CCDC85C: variants seen among roughly 807,000 people sequenced by gnomAD.
The protein encoded by CCDC85C is coiled-coil domain containing 85C.
In CCDC85C, 18 loss-of-function variants were observed where a neutral mutation model predicts 38.3. The ratio of observed to expected loss-of-function variants is 0.47; its 90% CI spans 0.33 to 0.70. The LOEUF (loss-of-function observed/expected upper bound fraction) is 0.70. CCDC85C is among the 30% of genes least tolerant of loss of function. CCDC85C has a pLI of 0.03. For synonymous variants in CCDC85C, 264 were observed against 293.8 expected, an observed-to-expected ratio of 0.90 and a Z score of 1.04; for missense variants, 566 against 621.2, an observed-to-expected ratio of 0.91 and a Z score of 0.94.
intron 1 of CCDC85C, among the ~76,000 whole-genome samples, chr14:99,593,044 A>G (rs773645065): frequency 2.0e-5 from 3 of 152,050 alleles, no homozygotes; most frequent in Non-Finnish European, 4.4e-5. Flanking sequence ...CGGGAAACAG[A>G]GCCTTGGCAT....
chr14:99,504,420 T>C lies in CCDC85C; in HGVS notation c.*10826A>G, dbSNP rs1035871765. 2.0e-5 allele frequency: 3 copies of C among 152,312 alleles called. No homozygotes were observed. The highest frequency in any genetic ancestry group is 7.3e-5 in the African/African-American group (3 of 41,350). 9.4% of individuals were successfully genotyped at this position (152,312 alleles called of 1,614,324 possible). A position where few individuals can be genotyped will look rare whatever the true frequency, so the allele number is the denominator to read the frequency against. ...CTACTTTTTTTTTTTTTCCAGTATATTTGAGGGAATGATGAGTTCAGTACA... is the reference window on the plus strand; with the variant it reads ...CTACTTTTTTTTTTTTTCCAGTATACTTGAGGGAATGATGAGTTCAGTACA... On this transcript the variant is annotated 3_prime_UTR_variant, in exon 6 of 6. Transcript: ENST00000380243.
intron 1 of CCDC85C, among the ~76,000 whole-genome samples, chr14:99,577,015 A>T (rs982449194): frequency 1.4e-4 from 22 of 151,886 alleles, no homozygotes; most frequent in Non-Finnish European, 4.4e-5. Context: ...CCCCTCCCTG[A>T]TCAGTCCCAC....
chr14:99,587,083 T>G (rs2139982391), intron 1 of CCDC85C, among the ~76,000 whole-genome samples: 1 of 152,342 alleles, frequency 6.6e-6, no homozygotes, highest in Non-Finnish European at 1.5e-5. Context: ...CCTGAGGTTC[T>G]GGACAGCCTC....
Position 99,509,919 on chromosome 14 carries a change from G to C in CCDC85C, c.*5327C>G. 1.7e-6 allele frequency: 1 copy of C among 589,914 alleles called. No individual in the cohort carries two copies. Among genetic ancestry groups the C allele is most frequent in the Non-Finnish European group, 3.0e-6 (1 of 332,012 alleles). 36.5% of individuals were successfully genotyped at this position (589,914 alleles called of 1,614,324 possible). A position where few individuals can be genotyped will look rare whatever the true frequency, so the allele number is the denominator to read the frequency against. On this transcript the variant is annotated 3_prime_UTR_variant, in exon 6 of 6. Coordinates refer to ENST00000380243, the MANE Select transcript of CCDC85C (RefSeq NM_001144995.2). ...AGACTGCCTGTAGGTGGTGTGGTCA[G>C]GGCTGAGGGAGGGAAAACCCCAGGT...
At chr14:99,559,470 C>G (rs1285741311) in intron 1 of CCDC85C, among the ~76,000 whole-genome samples, 3 of 136,080 alleles carry the variant, frequency 2.2e-5, no homozygotes, top group Non-Finnish European at 4.6e-5. Flanking sequence ...GAAGGCTGAG[C>G]AAATTCCAGA....
chr14:99,502,532 T>C lies in CCDC85C; in HGVS notation c.*12714A>G. The stretch of plus-strand genomic sequence containing the variant: ...TTAAATTATCTAATAGTTTCCACTT[T>C]GTCCAAACACATACTTTTGGTAAAC... On this transcript the variant is annotated 3_prime_UTR_variant, in exon 6 of 6. Coordinates refer to ENST00000380243, the MANE Select transcript of CCDC85C (RefSeq NM_001144995.2). 7.6e-7 allele frequency: 1 copy of C among 1,316,644 alleles called. No homozygotes were observed. Among genetic ancestry groups the C allele is most frequent in the South Asian group, 1.5e-5 (1 of 64,632 alleles). The allele number at this position is 1,316,644 out of a possible 1,614,324, so 81.6% of individuals were successfully genotyped here. A position where few individuals can be genotyped will look rare whatever the true frequency, so the allele number is the denominator to read the frequency against.
intron 1 of CCDC85C, among the ~76,000 whole-genome samples, chr14:99,578,145 C>T (rs1311220478): frequency 6.8e-6 from 1 of 146,626 alleles, no homozygotes; most frequent in Non-Finnish European, 1.5e-5. Flanking sequence ...CACATCTCCA[C>T]ACCCATACAG....
chr14:99,515,352 GAT>G lies in CCDC85C; in HGVS notation c.1171-19_1171-18del. 1 of 1,543,994 alleles carries G rather than the reference GAT, an allele frequency of 6.5e-7. No homozygotes were observed. The highest frequency in any genetic ancestry group is 8.8e-7 in the Non-Finnish European group (1 of 1,141,316). On this transcript the variant is annotated intron_variant, in intron 5 of 5. Transcript: ENST00000380243. ...CCAGACCACCTGTGGAGAGGAGAGA[GAT>G]GTGAGTGGTGGGACTCACCCGCGTC...
chr14:99,591,135 C>T (rs1001864394), intron 1 of CCDC85C, among the ~76,000 whole-genome samples: 3 of 152,208 alleles, frequency 2.0e-5, no homozygotes, highest in African/African-American at 7.2e-5. Context: ...CCTCGCTGGC[C>T]GATGTCCAAT....
chr14:99,564,229 C>T (rs77988539), intron 1 of CCDC85C, among the ~76,000 whole-genome samples: 2,539 of 152,342 alleles, frequency 0.017, 72 homozygotes, highest in African/African-American at 0.058. Context: ...GTGGAGACCT[C>T]TTCGCACCCA....
At chr14:99,587,569 C>T (rs1227760106) in intron 1 of CCDC85C, among the ~76,000 whole-genome samples, 2 of 152,236 alleles carry the variant, frequency 1.3e-5, no homozygotes, top group Non-Finnish European at 2.9e-5. Context: ...CCTCACAGCC[C>T]CTCCGCAAGG....
At chr14:99,575,387 C>A (rs1158374642) in intron 1 of CCDC85C, among the ~76,000 whole-genome samples, 1 of 152,176 alleles carries the variant, frequency 6.6e-6, no homozygotes, top group Non-Finnish European at 1.5e-5. Context: ...TCAGCTGGCA[C>A]CAGCGCCCAG....
At chr14:99,578,059 G>GTTTT (rs1431430753) in intron 1 of CCDC85C, among the ~76,000 whole-genome samples, 1 of 143,506 alleles carries the variant, frequency 7.0e-6, no homozygotes, top group African/African-American at 2.7e-5. Context: ...GAGTGTGTGT[G>GTTTT]TGTGTACACA....
intron 1 of CCDC85C, among the ~76,000 whole-genome samples, chr14:99,589,938 A>AC (rs1039458087): frequency 6.6e-6 from 1 of 152,022 alleles, no homozygotes; most frequent in Non-Finnish European, 1.5e-5. Flanking sequence ...AGGAGGGCAG[A>AC]CCCCGGGGAT....
intron 3 of CCDC85C, among the ~76,000 whole-genome samples, chr14:99,519,994 G>A (rs1897280350): frequency 6.6e-6 from 1 of 152,184 alleles, no homozygotes; most frequent in Non-Finnish European, 1.5e-5. Flanking sequence ...AAGTCTGAGT[G>A]TCCTCCCTTA....
rs1411832933 is a variant in CCDC85C, at chr14:99,500,248, C to T, written c.*14998G>A. On this transcript the variant is annotated 3_prime_UTR_variant, in exon 6 of 6. Transcript: ENST00000380243. The stretch of plus-strand genomic sequence containing the variant: ...AGATTTAAACACAAAATTGATTTGC[C>T]CCCATTTGCACGTAATACACTATAT... 6.6e-6 allele frequency: 1 copy of T among 152,084 alleles called. No individual in the cohort carries two copies. The highest frequency in any genetic ancestry group is 1.5e-5 in the Non-Finnish European group (1 of 68,058). 9.4% of individuals were successfully genotyped at this position (152,084 alleles called of 1,614,324 possible).
chr14:99,548,196 T>C lies in CCDC85C; in HGVS notation c.794-12108A>G, dbSNP rs575978716. Among the ~76,000 whole-genome samples the C allele has an allele frequency of 6.6e-6, 1 of 152,058 alleles. No individual in the cohort carries two copies. The highest frequency in any genetic ancestry group is 6.5e-5 in the Admixed American group (1 of 15,278). ...AAGTCCCCTCCCAGATAAAGGATCATACCCAGAATCCCTAACATCAATAAG... is the reference window on the plus strand; with the variant it reads ...AAGTCCCCTCCCAGATAAAGGATCACACCCAGAATCCCTAACATCAATAAG... On this transcript the variant is annotated intron_variant, in intron 1 of 5. Coordinates refer to ENST00000380243, the MANE Select transcript of CCDC85C (RefSeq NM_001144995.2). This position sits in a 1 kb window ranked among gnomAD's most constrained non-coding sequence, Gnocchi z 4.9.
chr14:99,564,964 T>C (rs1595088899), intron 1 of CCDC85C, among the ~76,000 whole-genome samples: 1 of 152,184 alleles, frequency 6.6e-6, no homozygotes, highest in Non-Finnish European at 1.5e-5. Context: ...GGGATCTGCG[T>C]GGCGGCAGCT....
At chr14:99,534,570 G>T in intron 2 of CCDC85C, 1 of 699,766 alleles carries the variant, frequency 1.4e-6, no homozygotes, top group Non-Finnish European at 2.6e-6. Context: ...CCACCCAGAG[G>T]CAGGACTGCC....
Sources: gnomAD v4.1 joint callset for allele counts (sites outside exome capture counted in the v4.1 genomes callset) on GRCh38, gnomAD v4.1.1 for gene constraint, Gnocchi (gnomAD v3.1) non-coding constraint, MANE v1.5 for transcripts, NCBI Gene and HGNC (gene_info 2026-07-23, HGNC 2026-07-21) for gene names.